CFAP299: variants seen among roughly 807,000 people sequenced by gnomAD.
CFAP299 encodes the protein cilia- and flagella-associated protein 299.
In CFAP299, 21 loss-of-function variants were observed where a neutral mutation model predicts 27.0. The observed-to-expected ratio is 0.78, with a 90% CI of 0.55 to 1.12. The LOEUF (loss-of-function observed/expected upper bound fraction) is 1.12, where lower values mean the gene tolerates loss of function less well. Among genes scored for constraint, CFAP299 ranks in the 50% most tolerant of loss-of-function variants. CFAP299 has a pLI of 0.00. For synonymous variants in CFAP299, 104 were observed against 98.1 expected (o/e 1.06, Z -0.36); for missense variants, 310 against 276.6 (o/e 1.12, Z -0.86).
At position 80,814,585 on chromosome 4, in the gene CFAP299, T is replaced by C. The variant is rs190771195; in HGVS notation, c.334-55408T>C. On this transcript the variant is annotated intron_variant, in intron 3 of 5. Transcript: ENST00000358105. The stretch of plus-strand genomic sequence containing the variant: ...CTAAGACTCCGTAATTTGGGAATAA[T>C]TTTAATGTCTCTGACTAATTTGTAC... Among the ~76,000 whole-genome samples, 583 of 152,118 alleles carry C rather than the reference T, an allele frequency of 3.8e-3. 1 individual carries two copies. Among genetic ancestry groups the C allele is most frequent in the Middle Eastern group, 0.01 (3 of 294 alleles).
intron 2 of CFAP299, among the ~76,000 whole-genome samples, chr4:80,374,683 T>C (rs1724318120): frequency 1.3e-5 from 2 of 152,134 alleles, no homozygotes; most frequent in African/African-American, 4.8e-5. Context: ...TTGGAACTCA[T>C]TCACTGTGAC....
At chr4:80,825,425 T>TGTA (rs1553896470) in intron 3 of CFAP299, among the ~76,000 whole-genome samples, 1 of 151,802 alleles carries the variant, frequency 6.6e-6, no homozygotes, top group African/African-American at 2.4e-5. Context: ...TTAAGAAATA[T>TGTA]GGTTCTTCCT....
At chr4:80,719,775 A>G (rs551720190) in intron 3 of CFAP299, among the ~76,000 whole-genome samples, 2 of 152,140 alleles carry the variant, frequency 1.3e-5, no homozygotes, top group African/African-American at 4.8e-5. Context: ...CCAGCTCACC[A>G]TCTTGTCCAG....
rs145845116 is a variant in CFAP299, at chr4:80,887,868, T to C, written c.476+17733T>C. The stretch of plus-strand genomic sequence containing the variant: ...GTAGAGTTCTCATTAGTTTTCTTTT[T>C]GCCTGTTTGTATATAATCCGTATTA... On this transcript the variant is annotated intron_variant, in intron 4 of 5. Coordinates refer to ENST00000358105, the MANE Select transcript of CFAP299 (RefSeq NM_152770.3). Among the ~76,000 whole-genome samples the C allele has an allele frequency of 2.9e-3, 442 of 152,250 alleles. 1 individual carries two copies. The highest frequency in any genetic ancestry group is 0.01 in the African/African-American group (421 of 41,580).
rs1020522794 is a variant in CFAP299 at position 80,514,672 on chromosome 4, A to T, written c.243-68421A>T. On this transcript the variant is annotated intron_variant, in intron 2 of 5. Coordinates refer to ENST00000358105, the MANE Select transcript of CFAP299 (RefSeq NM_152770.3). ...CTAACACATCTTTGTTTACCTGGTG[A>T]TTCTTTCTCTGCTGTTCTCCCTCTT... Among the ~76,000 whole-genome samples the T allele has an allele frequency of 1.3e-5, 2 of 152,144 alleles. 1 individual carries two copies. Among genetic ancestry groups the T allele is most frequent in the South Asian group, 4.2e-4 (2 of 4,816 alleles).
chr4:80,386,477 A>G (rs1725002124), intron 2 of CFAP299: 1 of 1,538,752 alleles, frequency 6.5e-7, no homozygotes, highest in South Asian at 1.2e-5. Flanking sequence ...CACTGCCGCC[A>G]CGGCGCGGGG....
rs527559794 is a variant in CFAP299 at position 80,759,731 on chromosome 4, A to T, written c.334-110262A>T. Among the ~76,000 whole-genome samples the T allele has an allele frequency of 1.2e-4, 18 of 152,322 alleles. No homozygotes were observed. In the South Asian group the frequency reaches 3.7e-3, roughly 32 times the overall value. ...TAGCAAACTGGAATTACTTGATGCC[A>T]GTTTTACAGAGACTTAATAAAAATA... On this transcript the variant is annotated intron_variant, in intron 3 of 5. Coordinates refer to ENST00000358105, the MANE Select transcript of CFAP299 (RefSeq NM_152770.3).
At chr4:80,754,920 A>G (rs1272446781) in intron 3 of CFAP299, among the ~76,000 whole-genome samples, 1 of 152,032 alleles carries the variant, frequency 6.6e-6, no homozygotes, top group Non-Finnish European at 1.5e-5. Context: ...CATATTGTTC[A>G]AGGTTTTGTT....
At chr4:80,871,097 G>T (rs1434923051) in intron 4 of CFAP299, 10 of 522,634 alleles carry the variant, frequency 1.9e-5, no homozygotes, top group Non-Finnish European at 2.5e-5. Context: ...AGTAGAGACA[G>T]GGTTCCACCA....
chr4:80,922,625 G>A (rs1010487312), intron 4 of CFAP299, among the ~76,000 whole-genome samples: 16 of 151,776 alleles, frequency 1.1e-4, no homozygotes, highest in Admixed American at 9.9e-4. Flanking sequence ...TTATCTACAT[G>A]ATATACATGT....
Position 80,931,720 on chromosome 4 carries a change from GCACA to G in CFAP299, c.477-13074_477-13071del, listed in dbSNP as rs148245575. Among the ~76,000 whole-genome samples the G allele has an allele frequency of 1.3e-4, 19 of 147,944 alleles. 1 individual carries two copies. Among genetic ancestry groups the G allele is most frequent in the South Asian group, 1.1e-3 (5 of 4,652 alleles). Reference sequence around the variant, plus strand: ...TGGTTTAGCTAATTTTAACATGCACGCACACACACACACACACACGCACACACGC... The same window carrying G: ...TGGTTTAGCTAATTTTAACATGCACGCACACACACACACACGCACACACGC... On this transcript the variant is annotated intron_variant, in intron 4 of 5. Transcript: ENST00000358105.
intron 3 of CFAP299, among the ~76,000 whole-genome samples, chr4:80,710,578 C>CTT (rs5859734): frequency 1.2e-3 from 161 of 138,722 alleles, no homozygotes; most frequent in South Asian, 1.6e-3. Flanking sequence ...AGAAATAAGA[C>CTT]TTTTTTTTTT....
intron 1 of CFAP299, among the ~76,000 whole-genome samples, chr4:80,355,354 C>CT (rs70944772): frequency 0.65 from 61,737 of 95,622 alleles, 22,707 homozygotes; most frequent in Non-Finnish European, 0.77. Context: ...ATGTCCTTTG[C>CT]TTTTTTTTTT....
chr4:80,829,184 A>G (rs1377574982), intron 3 of CFAP299, among the ~76,000 whole-genome samples: 1 of 152,068 alleles, frequency 6.6e-6, no homozygotes, highest in Non-Finnish European at 1.5e-5. Context: ...ATATCTGATA[A>G]GGAATTAATA....
At chr4:80,440,233 C>T (rs576544968) in intron 2 of CFAP299, among the ~76,000 whole-genome samples, 1 of 152,292 alleles carries the variant, frequency 6.6e-6, no homozygotes, top group East Asian at 1.9e-4. Context: ...CAGGTGGGTC[C>T]CTGACCCCCA....
At chr4:80,608,435 G>C in intron 3 of CFAP299, 1 of 1,220,518 alleles carries the variant, frequency 8.2e-7, no homozygotes, top group Non-Finnish European at 1.2e-6. Context: ...AAACATTTTG[G>C]CTTCATCCTA....
At chr4:80,954,673 T>A (rs1737959807) in intron 5 of CFAP299, among the ~76,000 whole-genome samples, 1 of 152,036 alleles carries the variant, frequency 6.6e-6, no homozygotes, top group Admixed American at 6.6e-5. Flanking sequence ...GATAGGTTCT[T>A]AATATGCGGG....
At chr4:80,803,865 T>A (rs1199569451) in intron 3 of CFAP299, among the ~76,000 whole-genome samples, 2 of 151,986 alleles carry the variant, frequency 1.3e-5, no homozygotes, top group East Asian at 3.9e-4. Flanking sequence ...GGTGTCTTAG[T>A]CTGTTTGTGC....
chr4:80,663,984 T>C (rs977467562), intron 3 of CFAP299, among the ~76,000 whole-genome samples: 1 of 152,212 alleles, frequency 6.6e-6, no homozygotes, highest in African/African-American at 2.4e-5. Context: ...ATAAGTCGTT[T>C]GTTTTGTTCT....
Sources: allele counts gnomAD v4.1 joint callset (sites outside exome capture counted in the v4.1 genomes callset), GRCh38; gene constraint gnomAD v4.1.1; transcripts MANE v1.5; gene names NCBI Gene and HGNC (gene_info 2026-07-23, HGNC 2026-07-21).